The following RAD9B variants were observed in gnomAD, a reference collection of about 807,000 sequenced individuals.
RAD9B encodes the protein RAD9 checkpoint clamp component B.
In RAD9B, 41 loss-of-function variants were observed where a neutral mutation model predicts 48.3. The ratio of observed to expected loss-of-function variants is 0.85; its 90% CI spans 0.66 to 1.10. RAD9B has a LOEUF of 1.10. RAD9B is among the 50% of genes least tolerant of loss of function. RAD9B has a pLI of 0.00. For missense variants in RAD9B, 444 were observed against 485.1 expected, an observed-to-expected ratio of 0.92 and a Z score of 0.80; for synonymous variants, 160 against 157.9, an observed-to-expected ratio of 1.01 and a Z score of -0.10.
chr12:110,522,057 T>C (rs2063802632), intron 9 of RAD9B, 120 bp from the exon 10 acceptor site: 1 of 649,266 alleles, frequency 1.5e-6, no homozygotes, highest in Non-Finnish European at 2.6e-6. Context: ...TTTAGTTCCA[T>C]GTATTTCAAT....
rs2135745090 is a variant in RAD9B, at chr12:110,530,553, C to T, written c.1154C>T (p.Ser385Phe). The change falls in exon 11 of 11, where the codon TCT (serine) becomes TTT (phenylalanine). Residue 385 changes from serine to phenylalanine, a missense_variant. Physicochemically the swap from Ser to Phe is radical, Grantham distance 155. Coordinates refer to ENST00000409300, the MANE Select transcript of RAD9B (RefSeq NM_001286535.2). ...KFSCMFFGAV[S>F]SDQQEHFNHP... ...TCTTGCATGTTCTTTGGAGCAGTTTCTTCTGACCAGCAAGAACACTTCAAC... is the reference window on the plus strand; with the variant it reads ...TCTTGCATGTTCTTTGGAGCAGTTTTTTCTGACCAGCAAGAACACTTCAAC... 6.2e-7 allele frequency: 1 copy of T among 1,614,014 alleles called. No individual in the cohort carries two copies. The highest frequency in any genetic ancestry group is 1.1e-5 in the South Asian group (1 of 91,080).
chr12:110,519,379 C>T (rs1036049546), intron 8 of RAD9B, among the ~76,000 whole-genome samples: 2 of 151,966 alleles, frequency 1.3e-5, no homozygotes, highest in Non-Finnish European at 2.9e-5. Flanking sequence ...GCTGGGATTA[C>T]AGGCGTGAGC....
rs548558189 is a variant in RAD9B at position 110,503,852 on chromosome 12, C to G, written c.93C>G (p.Phe31Leu). 22 of 1,578,500 alleles carry G rather than the reference C, an allele frequency of 1.4e-5. No homozygotes were observed. Among genetic ancestry groups the G allele is most frequent in the Non-Finnish European group, 1.8e-5 (21 of 1,167,232 alleles). ...VQALSRISDE[F>L]WLDPSKKGLA... Reference sequence around the variant, plus strand: ...CTCTATCACGAATTAGTGACGAGTTCTGGCTAGACCCATCTAAAAAAGGTG... The same window carrying G: ...CTCTATCACGAATTAGTGACGAGTTGTGGCTAGACCCATCTAAAAAAGGTG... Residue 31 changes from phenylalanine (F) to leucine (L), a missense_variant, in exon 2 of 11, where the codon TTC becomes TTG. Physicochemically the swap from Phe to Leu is conservative, Grantham distance 22 (BLOSUM62 0). Coordinates refer to ENST00000409300, the MANE Select transcript of RAD9B (RefSeq NM_001286535.2).
chr12:110,504,246 A>G (rs138137308), intron 2 of RAD9B, among the ~76,000 whole-genome samples: 141 of 151,760 alleles, frequency 9.3e-4, no homozygotes, highest in African/African-American at 3.2e-3. Context: ...AGGTGGGTGG[A>G]TCACCTGAGG....
chr12:110,507,415 T>C (rs2063314615), intron 4 of RAD9B, among the ~76,000 whole-genome samples: 1 of 143,284 alleles, frequency 7.0e-6, no homozygotes, highest in African/African-American at 2.5e-5. Flanking sequence ...GTATTAAATA[T>C]AATATATAAT....
At chr12:110,516,833 T>C (rs920884380) in intron 6 of RAD9B, among the ~76,000 whole-genome samples, 1 of 151,726 alleles carries the variant, frequency 6.6e-6, no homozygotes, top group Non-Finnish European at 1.5e-5. Context: ...ATAATAAATA[T>C]GTATATATAT....
chr12:110,504,653 A>G (rs2063207506), intron 2 of RAD9B, among the ~76,000 whole-genome samples: 1 of 152,162 alleles, frequency 6.6e-6, no homozygotes, highest in African/African-American at 2.4e-5. Flanking sequence ...TAACTCCCTT[A>G]TATATTGCAA....
intron 9 of RAD9B, among the ~76,000 whole-genome samples, chr12:110,521,202 G>A (rs1434411512): frequency 6.6e-6 from 1 of 152,128 alleles, no homozygotes; most frequent in Non-Finnish European, 1.5e-5. Context: ...TGTCACCCAG[G>A]CTGGAGTGCA....
chr12:110,505,851 A>G, intron 3 of RAD9B, 79 bp downstream of exon 3: 6 of 1,059,406 alleles, frequency 5.7e-6, no homozygotes, highest in Non-Finnish European at 8.0e-6. Flanking sequence ...TTCTATACTT[A>G]ATAGTTTAAA....
intron 6 of RAD9B, among the ~76,000 whole-genome samples, chr12:110,517,331 A>G (rs992686957): frequency 1.3e-5 from 2 of 152,086 alleles, no homozygotes; most frequent in African/African-American, 4.8e-5. Context: ...CCAGTCTCAA[A>G]AAAAATTAAT....
chr12:110,513,663 C>A (rs2135686715), intron 5 of RAD9B, among the ~76,000 whole-genome samples: 1 of 149,810 alleles, frequency 6.7e-6, no homozygotes, highest in East Asian at 1.9e-4. Flanking sequence ...ACTTTGTGAG[C>A]CAAATGATAT....
chr12:110,503,455 A>G (rs1287506090), intron 1 of RAD9B: 3 of 204,714 alleles, frequency 1.5e-5, no homozygotes, highest in Admixed American at 5.4e-5. Flanking sequence ...TTCTCCATGC[A>G]CTGTTTTCAC....
intron 6 of RAD9B, among the ~76,000 whole-genome samples, chr12:110,518,282 G>T (rs2063671245): frequency 6.6e-6 from 1 of 151,974 alleles, no homozygotes. Context: ...AGGATCACTT[G>T]AGCCCAGGAG....
chr12:110,508,003 T>C (rs905099919), intron 4 of RAD9B: 6 of 167,204 alleles, frequency 3.6e-5, no homozygotes, highest in Admixed American at 6.5e-5. Flanking sequence ...TTTCAGCATA[T>C]ATTTATAGTC....
chr12:110,517,751 GACACACACACACACAC>G (rs34935245), intron 6 of RAD9B, among the ~76,000 whole-genome samples: 10 of 141,516 alleles, frequency 7.1e-5, no homozygotes, highest in African/African-American at 2.1e-4. Flanking sequence ...ACAAAACATT[GACACACACACACACAC>G]ACACACACAC....
At position 110,506,625 on chromosome 12, in the gene RAD9B, T is replaced by G; in HGVS notation, c.320T>G (p.Ile107Arg). 1 of 1,605,552 alleles carries G rather than the reference T, an allele frequency of 6.2e-7. No individual in the cohort carries two copies. The highest frequency in any genetic ancestry group is 8.5e-7 in the Non-Finnish European group (1 of 1,172,610). ...TGTCTGAATTCCCTTGAAAGAAATA[T>G]AGAGAAGTGCAGAATATTCACCAGA... The part of the protein sequence containing the change: ...FRCLNSLERN[I>R]EKCRIFTRSD... The change falls in exon 4 of 11, where the codon ATA becomes AGA. Residue 107 changes from isoleucine (I) to arginine (R), a missense_variant. Coordinates refer to ENST00000409300, the MANE Select transcript of RAD9B (RefSeq NM_001286535.2).
At chr12:110,503,452 T>A (rs1381895581) in intron 1 of RAD9B, 1 of 203,246 alleles carries the variant, frequency 4.9e-6, no homozygotes, top group African/African-American at 2.4e-5. Context: ...ATCTTCTCCA[T>A]GCACTGTTTT....
chr12:110,510,470 C>A (rs185564360), intron 4 of RAD9B, among the ~76,000 whole-genome samples: 1 of 152,128 alleles, frequency 6.6e-6, no homozygotes, highest in Non-Finnish European at 1.5e-5. Context: ...TGTGTGAGTT[C>A]CGAGCTGAGT....
At chr12:110,512,945 T>C (rs565931796) in intron 5 of RAD9B, 67 bp downstream of exon 5, 3 of 775,500 alleles carry the variant, frequency 3.9e-6, no homozygotes, top group Non-Finnish European at 6.5e-6. Context: ...GAAGAATCAA[T>C]GCCCTAGAGC....
Sources: gnomAD v4.1 joint callset for allele counts (sites outside exome capture counted in the v4.1 genomes callset) on GRCh38, gnomAD v4.1.1 for gene constraint, MANE v1.5 for transcripts, NCBI Gene and HGNC (gene_info 2026-07-23, HGNC 2026-07-21) for gene names.